Variants in CPD observed in about 807,000 individuals in gnomAD.
The protein encoded by CPD is metallocarboxypeptidase D.
In CPD, 69 loss-of-function variants were observed where a neutral mutation model predicts 138.3. The ratio of observed to expected loss-of-function variants is 0.50; its 90% CI spans 0.41 to 0.61. CPD has a LOEUF of 0.61. CPD is among the 20% of genes least tolerant of loss of function. The probability of loss-of-function intolerance (pLI) is 0.00; values close to 1 mark genes in which losing one functional copy is unlikely to be tolerated. For missense variants in CPD, 1,432 were observed against 1,733.3 expected (o/e 0.83, Z 3.09); for synonymous variants, 651 against 642.1 (o/e 1.01, Z -0.21).
chr17:30,392,326 T>C (rs1911381370), intron 2 of CPD, among the ~76,000 whole-genome samples: 2 of 152,302 alleles, frequency 1.3e-5, no homozygotes, highest in Non-Finnish European at 2.9e-5. Context: ...CTTAGATCTT[T>C]AGTTAATCTT....
At chr17:30,388,911 C>A (rs968439286) in intron 2 of CPD, among the ~76,000 whole-genome samples, 2 of 152,154 alleles carry the variant, frequency 1.3e-5, no homozygotes, top group Non-Finnish European at 2.9e-5. Context: ...GGGACTTGGC[C>A]CCAAGTGGCC....
intron 2 of CPD, among the ~76,000 whole-genome samples, chr17:30,412,971 C>T (rs916828012): frequency 6.6e-6 from 1 of 152,148 alleles, no homozygotes; most frequent in Non-Finnish European, 1.5e-5. Context: ...TCAATCTTGT[C>T]GATCTTGCTG....
Position 30,445,754 on chromosome 17 carries a change from A to C in CPD, c.2607A>C (p.Thr869=), listed in dbSNP as rs774474523. The C allele has an allele frequency of 4.3e-6, 7 of 1,613,690 alleles. No individual in the cohort carries two copies. Among genetic ancestry groups the C allele is most frequent in the Non-Finnish European group, 2.5e-6 (3 of 1,179,926 alleles). ...AAGGCGCTATTCAGGTCAACTTCAC[A>C]CTTGTTCGATCCTCAACAGATTCAA... ...KSEGAIQVNF[T]LVRSSTDSNN... The change falls in exon 12 of 21, where the codon ACA becomes ACC. Residue 869 remains threonine, a synonymous_variant. Transcript: ENST00000225719.
intron 8 of CPD, among the ~76,000 whole-genome samples, chr17:30,437,823 A>T (rs1597725141): frequency 6.6e-6 from 1 of 151,878 alleles, no homozygotes; most frequent in East Asian, 1.9e-4. Context: ...AAGTTTCTAG[A>T]TGGGGATCGT....
intron 6 of CPD, among the ~76,000 whole-genome samples, chr17:30,427,034 TAG>T (rs1045521033): frequency 6.6e-6 from 1 of 152,056 alleles, no homozygotes; most frequent in Non-Finnish European, 1.5e-5. Flanking sequence ...ATACAAAAAT[TAG>T]CTGGGCATGA....
At chr17:30,455,740 T>A (rs929088953) in intron 15 of CPD, 1 of 338,774 alleles carries the variant, frequency 3.0e-6, no homozygotes, top group African/African-American at 2.2e-5. Context: ...ATTATGTCTG[T>A]AAATATTGAG....
chr17:30,460,338 A>G (rs1017144408), intron 17 of CPD, among the ~76,000 whole-genome samples: 3 of 152,228 alleles, frequency 2.0e-5, no homozygotes, highest in Non-Finnish European at 4.4e-5. Flanking sequence ...AGGGGTAACA[A>G]TATTGACATG....
chr17:30,400,029 T>A (rs1911611996), intron 2 of CPD, among the ~76,000 whole-genome samples: 2 of 152,158 alleles, frequency 1.3e-5, no homozygotes. Context: ...ATAAATTGTG[T>A]TTCTTGTAGT....
At chr17:30,400,125 A>G (rs943140546) in intron 2 of CPD, among the ~76,000 whole-genome samples, 2 of 152,124 alleles carry the variant, frequency 1.3e-5, no homozygotes, top group African/African-American at 2.4e-5. Context: ...ACTGAATATA[A>G]TTATTGTTAT....
chr17:30,436,416 G>A (rs925890585), intron 8 of CPD, among the ~76,000 whole-genome samples: 9 of 152,082 alleles, frequency 5.9e-5, no homozygotes, highest in African/African-American at 1.9e-4. Context: ...GAACTCTTAT[G>A]GCTAAATAAT....
chr17:30,444,985 A>G (rs1218873233), intron 11 of CPD, among the ~76,000 whole-genome samples: 1 of 152,038 alleles, frequency 6.6e-6, no homozygotes, highest in Non-Finnish European at 1.5e-5. Flanking sequence ...CAGAGTGTTA[A>G]CTAAAGCAGC....
Position 30,466,368 on chromosome 17 carries a change from G to A in CPD, c.*1554G>A, listed in dbSNP as rs1913637929. 1 of 152,566 alleles carries A rather than the reference G, an allele frequency of 6.6e-6. No individual in the cohort carries two copies. The highest frequency in any genetic ancestry group is 2.4e-5 in the African/African-American group (1 of 41,440). 9.5% of individuals were successfully genotyped at this position (152,566 alleles called of 1,614,324 possible). On this transcript the variant is annotated 3_prime_UTR_variant, in exon 21 of 21. Coordinates refer to ENST00000225719, the MANE Select transcript of CPD (RefSeq NM_001304.5). ...TTCCTAGGTCGTTCAACCAGGTTTTGTGAGGAATGCATTCAAAGTGGCTTT... is the reference window on the plus strand; with the variant it reads ...TTCCTAGGTCGTTCAACCAGGTTTTATGAGGAATGCATTCAAAGTGGCTTT...
chr17:30,456,503 C>A lies in CPD; in HGVS notation c.3475C>A (p.His1159Asn). ...PGGVMRGAEW[H>N]SHLGSMKDYS... ...AGGAGTAATGCGTGGAGCAGAATGG[C>A]ATAGTCACCTGGGCAGCATGAAGGT... The change falls in exon 17 of 21, where the codon CAT (histidine) becomes AAT (asparagine). Residue 1159 changes from histidine to asparagine, a missense_variant. By Grantham distance (68) the His-to-Asn change is moderately conservative. Coordinates refer to ENST00000225719, the MANE Select transcript of CPD (RefSeq NM_001304.5). 6.2e-7 allele frequency: 1 copy of A among 1,614,086 alleles called. No homozygotes were observed. Among genetic ancestry groups the A allele is most frequent in the South Asian group, 1.1e-5 (1 of 91,080 alleles).
At chr17:30,433,965 ATAAT>A (rs1912634226) in intron 8 of CPD, among the ~76,000 whole-genome samples, 1 of 152,188 alleles carries the variant, frequency 6.6e-6, no homozygotes, top group African/African-American at 2.4e-5. Context: ...GAGGAAGGTG[ATAAT>A]TAAACTCCCC....
At chr17:30,425,655 C>CAAA (rs11337028) in intron 6 of CPD, among the ~76,000 whole-genome samples, 1 of 113,602 alleles carries the variant, frequency 8.8e-6, no homozygotes, top group African/African-American at 3.3e-5. Flanking sequence ...GACTCTGTCT[C>CAAA]AAAAAAAAAA....
intron 2 of CPD, among the ~76,000 whole-genome samples, chr17:30,420,562 A>G (rs1912239078): frequency 6.6e-6 from 1 of 152,228 alleles, no homozygotes; most frequent in African/African-American, 2.4e-5. Context: ...TGCTATTATT[A>G]TTGTTACTGG....
intron 2 of CPD, among the ~76,000 whole-genome samples, chr17:30,391,025 T>A (rs1463761686): frequency 6.6e-6 from 1 of 152,050 alleles, no homozygotes; most frequent in Non-Finnish European, 1.5e-5. Flanking sequence ...AAACAGGGTT[T>A]TACCATGTTG....
rs1300356041 is a variant in CPD at position 30,466,062 on chromosome 17, G to A, written c.*1248G>A. 1 of 152,538 alleles carries A rather than the reference G, an allele frequency of 6.6e-6. No homozygotes were observed. Among genetic ancestry groups the A allele is most frequent in the Non-Finnish European group, 1.5e-5 (1 of 68,020 alleles). 9.4% of individuals were successfully genotyped at this position (152,538 alleles called of 1,614,324 possible). ...GACTGCTGAGTGATAAAACACTGTGGTGTGAAAGTGTCATCTTCACTGCCA... is the reference window on the plus strand; with the variant it reads ...GACTGCTGAGTGATAAAACACTGTGATGTGAAAGTGTCATCTTCACTGCCA... On this transcript the variant is annotated 3_prime_UTR_variant, in exon 21 of 21. Coordinates refer to ENST00000225719, the MANE Select transcript of CPD (RefSeq NM_001304.5).
intron 1 of CPD, among the ~76,000 whole-genome samples, chr17:30,383,407 T>G (rs1291109597): frequency 6.6e-6 from 1 of 152,222 alleles, no homozygotes; most frequent in Non-Finnish European, 1.5e-5. Flanking sequence ...TAACTTCTCC[T>G]GATTATGTTA....
Sources: gnomAD v4.1 joint callset for allele counts (sites outside exome capture counted in the v4.1 genomes callset) on GRCh38, gnomAD v4.1.1 for gene constraint, MANE v1.5 for transcripts, NCBI Gene and HGNC (gene_info 2026-07-23, HGNC 2026-07-21) for gene names.